GPC5: variants seen among roughly 807,000 people sequenced by gnomAD.
GPC5 encodes glypican 5.
In GPC5, 47 loss-of-function variants were observed where a neutral mutation model predicts 53.9. The ratio of observed to expected loss-of-function variants is 0.87; its 90% CI spans 0.69 to 1.11. The LOEUF is 1.11. Among genes scored for constraint, GPC5 ranks in the 50% most tolerant of loss-of-function variants. GPC5 has a pLI of 0.00. For missense variants in GPC5, 748 were observed against 713.1 expected (o/e 1.05, Z -0.56); for synonymous variants, 286 against 263.3 (o/e 1.09, Z -0.84).
rs551569118 is a variant in GPC5, at chr13:91,794,410, G to A, written c.1280+37990G>A. Among the ~76,000 whole-genome samples the A allele has an allele frequency of 1.1e-4, 17 of 152,204 alleles. No individual in the cohort carries two copies. In the East Asian group the frequency reaches 3.1e-3, roughly 28 times the overall value. ...TTCACTGTCAACAGATACCATCTCAGCCTGTCACACGATTCTAACACCTAT... is the reference window on the plus strand; with the variant it reads ...TTCACTGTCAACAGATACCATCTCAACCTGTCACACGATTCTAACACCTAT... On this transcript the variant is annotated intron_variant, in intron 5 of 7. Coordinates refer to ENST00000377067, the MANE Select transcript of GPC5 (RefSeq NM_004466.6).
intron 5 of GPC5, among the ~76,000 whole-genome samples, chr13:91,872,290 TA>T (rs2039154074): frequency 6.6e-6 from 1 of 152,108 alleles, no homozygotes; most frequent in South Asian, 2.1e-4. Context: ...AACATCTCAC[TA>T]AAGTAAGAGT....
chr13:91,661,336 T>C (rs374918699), intron 2 of GPC5, among the ~76,000 whole-genome samples: 1 of 152,212 alleles, frequency 6.6e-6, no homozygotes, highest in Non-Finnish European at 1.5e-5. Flanking sequence ...AGATGTTCGA[T>C]ACCTGGTAAC....
At chr13:91,540,646 T>C (rs1330841170) in intron 2 of GPC5, among the ~76,000 whole-genome samples, 5 of 152,226 alleles carry the variant, frequency 3.3e-5, no homozygotes, top group Non-Finnish European at 4.4e-5. Context: ...GTTACATATC[T>C]AAGAAATGCA....
In GPC5 at chr13:91,932,901, G is replaced by A. The variant is rs147086926; in HGVS notation, c.1401+24844G>A. On this transcript the variant is annotated intron_variant, in intron 6 of 7. Coordinates refer to ENST00000377067, the MANE Select transcript of GPC5 (RefSeq NM_004466.6). ...TAGTAATTCTTAATAAGTATTACAA[G>A]TAGGGAAATACAGATGGGAGGGTTT... Among the ~76,000 whole-genome samples, 473 of 152,024 alleles carry A rather than the reference G, an allele frequency of 3.1e-3. 4 individuals are homozygous for A. The highest frequency in any genetic ancestry group is 0.026 in the East Asian group (136 of 5,172).
intron 5 of GPC5, among the ~76,000 whole-genome samples, chr13:91,812,158 T>A (rs2038322267): frequency 1.3e-5 from 2 of 152,172 alleles, no homozygotes; most frequent in Non-Finnish European, 2.9e-5. Flanking sequence ...ATGAATGCAT[T>A]AACTAAGATG....
intron 2 of GPC5, among the ~76,000 whole-genome samples, chr13:91,580,101 A>G (rs1440922705): frequency 3.9e-5 from 6 of 152,326 alleles, no homozygotes; most frequent in Admixed American, 2.0e-4. Context: ...CCCAGGCTGG[A>G]GTCCAGTGGC....
At chr13:91,651,200 T>C (rs2034700600) in intron 2 of GPC5, among the ~76,000 whole-genome samples, 1 of 151,664 alleles carries the variant, frequency 6.6e-6, no homozygotes, top group Non-Finnish European at 1.5e-5. Context: ...GTAGAAATGG[T>C]CAAAGAGCAA....
intron 7 of GPC5, among the ~76,000 whole-genome samples, chr13:92,737,218 G>T (rs1888960697): frequency 6.6e-6 from 1 of 152,008 alleles, no homozygotes; most frequent in Non-Finnish European, 1.5e-5. Context: ...CCTAGTGAAT[G>T]CTTAATAAAT....
At chr13:92,539,522 T>A (rs1228746702) in intron 7 of GPC5, among the ~76,000 whole-genome samples, 1 of 152,130 alleles carries the variant, frequency 6.6e-6, no homozygotes, top group Non-Finnish European at 1.5e-5. Flanking sequence ...GGTTGTTTAT[T>A]TTTTTCTTGT....
intron 7 of GPC5, among the ~76,000 whole-genome samples, chr13:92,852,473 A>G (rs1484790446): frequency 2.0e-5 from 3 of 152,230 alleles, no homozygotes; most frequent in African/African-American, 2.4e-5. Context: ...TTATGACATA[A>G]TTCCTGCACC....
chr13:91,665,300 A>G (rs1369467084), intron 2 of GPC5, among the ~76,000 whole-genome samples: 1 of 152,164 alleles, frequency 6.6e-6, no homozygotes, highest in African/African-American at 2.4e-5. Context: ...TATGTGTATC[A>G]GATTATGACT....
At position 92,313,900 on chromosome 13, in the gene GPC5, G is replaced by T. The variant is rs61607987; in HGVS notation, c.1561+168911G>T. Among the ~76,000 whole-genome samples, 560 of 152,218 alleles carry T rather than the reference G, an allele frequency of 3.7e-3. 4 individuals are homozygous for T. Among genetic ancestry groups the T allele is most frequent in the African/African-American group, 0.013 (530 of 41,530 alleles). On this transcript the variant is annotated intron_variant, in intron 7 of 7. Coordinates refer to ENST00000377067, the MANE Select transcript of GPC5 (RefSeq NM_004466.6). ...TCACACAAGAGTGAAGAAAATTGGA[G>T]ATTTTTCCATATCCAGATATAATAA...
intron 7 of GPC5, among the ~76,000 whole-genome samples, chr13:92,338,843 A>G (rs1415837053): frequency 2.0e-5 from 3 of 152,242 alleles, no homozygotes; most frequent in Non-Finnish European, 2.9e-5. Context: ...GTGCAGACCT[A>G]AAGAATGTAC....
intron 1 of GPC5, among the ~76,000 whole-genome samples, chr13:91,438,944 G>A (rs192570859): frequency 6.6e-5 from 10 of 152,356 alleles, no homozygotes; most frequent in East Asian, 3.9e-4. Context: ...CTCCGTGGGC[G>A]TAGGACCCTC....
chr13:91,421,037 A>C (rs1232485747), intron 1 of GPC5, among the ~76,000 whole-genome samples: 1 of 152,228 alleles, frequency 6.6e-6, no homozygotes, highest in African/African-American at 2.4e-5. Flanking sequence ...AGAATTTGCT[A>C]TCTTGGAAAT....
chr13:91,770,027 A>AAGGCAAGTATCAGTCATATC (rs2037593365), intron 5 of GPC5, among the ~76,000 whole-genome samples: 1 of 152,150 alleles, frequency 6.6e-6, no homozygotes, highest in Admixed American at 6.6e-5. Context: ...CAACTTCCAT[A>AAGGCAAGTATCAGTCATATC]TGACTTGGCT....
chr13:92,611,752 T>C (rs1490502507), intron 7 of GPC5, among the ~76,000 whole-genome samples: 1 of 152,148 alleles, frequency 6.6e-6, no homozygotes, highest in Non-Finnish European at 1.5e-5. Context: ...CTCTCTTTTC[T>C]TTTAAAAAGA....
intron 2 of GPC5, among the ~76,000 whole-genome samples, chr13:91,487,978 T>C (rs1419852044): frequency 6.6e-6 from 1 of 151,492 alleles, no homozygotes; most frequent in Admixed American, 6.6e-5. Context: ...AGGAGATAGA[T>C]GTATAAAAAA....
At chr13:92,718,807 G>C (rs1278592140) in intron 7 of GPC5, among the ~76,000 whole-genome samples, 2 of 150,920 alleles carry the variant, frequency 1.3e-5, no homozygotes, top group African/African-American at 4.9e-5. Flanking sequence ...TTGAGCAATT[G>C]CCTCTGCCTT....
Sources: gnomAD v4.1 joint callset for allele counts (sites outside exome capture counted in the v4.1 genomes callset) on GRCh38, gnomAD v4.1.1 for gene constraint, MANE v1.5 for transcripts, NCBI Gene and HGNC (gene_info 2026-07-23, HGNC 2026-07-21) for gene names.